Variants in MED22 observed in about 807,000 individuals in gnomAD.
The protein encoded by MED22 is mediator of RNA polymerase II transcription subunit 22.
In MED22, 22 loss-of-function variants were observed where a neutral mutation model predicts 22.7. That is an observed-to-expected ratio of 0.97 (90% CI 0.69 to 1.38). MED22 has a LOEUF of 1.38. Among genes scored for constraint, MED22 ranks in the 40% most tolerant of loss-of-function variants. The probability of loss-of-function intolerance (pLI) is 0.00; values close to 1 mark genes in which losing one functional copy is unlikely to be tolerated. For synonymous variants in MED22, 134 were observed against 119.4 expected (o/e 1.12, Z -0.80); for missense variants, 247 against 263.0 (o/e 0.94, Z 0.42).
rs1835994876 is a variant in MED22, at chr9:133,341,238, T to G, written c.*267A>C. ...ACGGGCCAGACCTAGCTTGGAAACT[T>G]TCTTCCACCTGGCTGGCCAGGAAGG... On this transcript the variant is annotated 3_prime_UTR_variant, in exon 5 of 5. Coordinates refer to ENST00000343730, the MANE Select transcript of MED22 (RefSeq NM_133640.5). The G allele has an allele frequency of 2.7e-6, 1 of 372,568 alleles. No homozygotes were observed. Among genetic ancestry groups the G allele is most frequent in the Non-Finnish European group, 4.8e-6 (1 of 210,006 alleles). 23.1% of individuals were successfully genotyped at this position (372,568 alleles called of 1,614,324 possible).
intron 1 of MED22, 94 bp from the exon 2 acceptor site, chr9:133,346,794 T>G: frequency 8.9e-7 from 1 of 1,123,402 alleles, no homozygotes. Context: ...TTTCTGGGGA[T>G]TCCCTTTCTG....
chr9:133,341,695 C>CT lies in MED22; in HGVS notation c.414-2dup, dbSNP rs1564338813. On this transcript the variant is annotated splice_acceptor_variant, in intron 4 of 4. Transcript: ENST00000343730. LOFTEE classifies it high-confidence loss of function. Reference sequence around the variant, plus strand: ...GTCATTAGCTTCGCAAAGGCTTGAGCTTTTCCACCACCAGAAACCCCAGGG... The same window carrying CT: ...GTCATTAGCTTCGCAAAGGCTTGAGCTTTTTCCACCACCAGAAACCCCAGGG... 1.2e-6 allele frequency: 2 copies of CT among 1,605,936 alleles called. No individual in the cohort carries two copies. Among genetic ancestry groups the CT allele is most frequent in the Non-Finnish European group, 1.7e-6 (2 of 1,176,424 alleles).
chr9:133,341,673 A>G lies in MED22; in HGVS notation c.435T>C (p.Asn145=). 1.2e-6 allele frequency: 2 copies of G among 1,607,972 alleles called. No individual in the cohort carries two copies. Among genetic ancestry groups the G allele is most frequent in the Non-Finnish European group, 1.7e-6 (2 of 1,177,254 alleles). ...YSSSSSLCEA[N]DLPLCEAYGR... is the part of the protein sequence containing the mutation. Reference sequence around the variant, plus strand: ...CGTAAGCTTCGCACAGAGGCAGGTCATTAGCTTCGCAAAGGCTTGAGCTTT... The same window carrying G: ...CGTAAGCTTCGCACAGAGGCAGGTCGTTAGCTTCGCAAAGGCTTGAGCTTT... Residue 145 remains asparagine, a synonymous_variant, in exon 5 of 5, where the codon AAT becomes AAC. Coordinates refer to ENST00000343730, the MANE Select transcript of MED22 (RefSeq NM_133640.5).
Position 133,341,660 on chromosome 9 carries a change from ACAGAGG to A in MED22, c.442_447del (p.Pro148_Leu149del). On this transcript the variant is annotated inframe_deletion, in exon 5 of 5. Coordinates refer to ENST00000343730, the MANE Select transcript of MED22 (RefSeq NM_133640.5). Reference sequence around the variant, plus strand: ...AGGTCCAGCCTCCCGTAAGCTTCGCACAGAGGCAGGTCATTAGCTTCGCAAAGGCTT... The same window carrying A: ...AGGTCCAGCCTCCCGTAAGCTTCGCACAGGTCATTAGCTTCGCAAAGGCTT... 1 of 1,608,568 alleles carries A rather than the reference ACAGAGG, an allele frequency of 6.2e-7. No individual in the cohort carries two copies. Among genetic ancestry groups the A allele is most frequent in the Non-Finnish European group, 8.5e-7 (1 of 1,177,536 alleles).
chr9:133,343,247 G>A (rs1836066680), intron 4 of MED22: 1 of 1,206,582 alleles, frequency 8.3e-7, no homozygotes, highest in Non-Finnish European at 1.0e-6. Context: ...TCCACCACCA[G>A]GAAGGAAAGG....
chr9:133,338,760 T>A lies in MED22; in HGVS notation c.*2745A>T, dbSNP rs1835945252. 1 of 343,554 alleles carries A rather than the reference T, an allele frequency of 2.9e-6. No homozygotes were observed. Among genetic ancestry groups the A allele is most frequent in the Admixed American group, 3.8e-5 (1 of 26,324 alleles). The allele number at this position is 343,554 out of a possible 1,614,324, so 21.3% of individuals were successfully genotyped here. ...CCCGGCCGATTTCTATACTTTTTAG[T>A]AGAGACGGGGTTTCTCCATGTTGCC... is the stretch of plus-strand genomic sequence containing the variant. On this transcript the variant is annotated 3_prime_UTR_variant, in exon 5 of 5. Coordinates refer to ENST00000343730, the MANE Select transcript of MED22 (RefSeq NM_133640.5).
chr9:133,345,389 A>G (rs1051904198), intron 2 of MED22, 137 bp from the exon 3 acceptor site: 37 of 817,302 alleles, frequency 4.5e-5, no homozygotes, highest in Admixed American at 8.2e-5. Flanking sequence ...GGTGCCATCT[A>G]CAGACCTAAG....
chr9:133,339,613 C>T lies in MED22; in HGVS notation c.*1892G>A, dbSNP rs942787067. 1 of 415,722 alleles carries T rather than the reference C, an allele frequency of 2.4e-6. No homozygotes were observed. The highest frequency in any genetic ancestry group is 4.4e-6 in the Non-Finnish European group (1 of 226,798). The allele number at this position is 415,722 out of a possible 1,614,324, so 25.8% of individuals were successfully genotyped here. On this transcript the variant is annotated 3_prime_UTR_variant, in exon 5 of 5. Coordinates refer to ENST00000343730, the MANE Select transcript of MED22 (RefSeq NM_133640.5). The stretch of plus-strand genomic sequence containing the variant: ...CATCCATTCTGGTTGTGGTGATGGA[C>T]GAAGGAGAATGTGCTCAGAGAGGCA...
chr9:133,341,355 TG>T lies in MED22; in HGVS notation c.*149del. 3 of 810,132 alleles carry T rather than the reference TG, an allele frequency of 3.7e-6. No homozygotes were observed. The highest frequency in any genetic ancestry group is 5.4e-6 in the Non-Finnish European group (3 of 558,052). The allele number at this position is 810,132 out of a possible 1,614,324, so 50.2% of individuals were successfully genotyped here. On this transcript the variant is annotated 3_prime_UTR_variant, in exon 5 of 5. Transcript: ENST00000343730. Reference sequence around the variant, plus strand: ...CCTACTGTCCTGGCGGGACCCACCCTGGGCTAACGGGCTTCCCAAGGAAGTC... The same window carrying T: ...CCTACTGTCCTGGCGGGACCCACCCTGGCTAACGGGCTTCCCAAGGAAGTC...
At chr9:133,343,486 C>G in intron 4 of MED22, 1 of 1,234,388 alleles carries the variant, frequency 8.1e-7, no homozygotes, top group Non-Finnish European at 1.0e-6. Flanking sequence ...GGGTTTTGAC[C>G]CTTCTGCATC....
intron 2 of MED22, 164 bp downstream of exon 2, chr9:133,346,376 G>C (rs1048960216): frequency 2.7e-5 from 21 of 791,378 alleles, no homozygotes; most frequent in Non-Finnish European, 4.3e-5. Context: ...GTTAGTAAGG[G>C]CTGGACGTGC....
In MED22 at chr9:133,339,105, T is replaced by C. The variant is rs1835952963; in HGVS notation, c.*2400A>G. On this transcript the variant is annotated 3_prime_UTR_variant, in exon 5 of 5. Transcript: ENST00000343730. The stretch of plus-strand genomic sequence containing the variant: ...ATGCAAATTGATGAGAAAGGTGATA[T>C]TGTAGATATCAAGGGAATGGGTACT... 7.4e-6 allele frequency: 5 copies of C among 672,820 alleles called. No homozygotes were observed. The highest frequency in any genetic ancestry group is 1.4e-5 in the Non-Finnish European group (5 of 359,444). The allele number at this position is 672,820 out of a possible 1,614,324, so 41.7% of individuals were successfully genotyped here.
chr9:133,342,576 A>C (rs1460060017), intron 4 of MED22: 14 of 986,344 alleles, frequency 1.4e-5, no homozygotes, highest in Non-Finnish European at 1.6e-5. Context: ...CAGGGAGCGG[A>C]GCGCCCTTTG....
At chr9:133,343,283 G>A (rs2129956190) in intron 4 of MED22, 1 of 1,224,916 alleles carries the variant, frequency 8.2e-7, no homozygotes, top group Non-Finnish European at 1.0e-6. Context: ...GCACAAGATG[G>A]ACATGGACTC....
intron 1 of MED22, 65 bp from the exon 2 acceptor site, chr9:133,346,765 C>T (rs2119068779): frequency 1.4e-6 from 2 of 1,391,834 alleles, no homozygotes; most frequent in East Asian, 4.8e-5. Flanking sequence ...TATGCCCCAA[C>T]CTTAGCAGAA....
chr9:133,342,773 G>A, intron 4 of MED22: 6 of 985,880 alleles, frequency 6.1e-6, no homozygotes, highest in Non-Finnish European at 7.2e-6. Context: ...TGAAGCTGAG[G>A]GACTGTTGGG....
Position 133,338,721 on chromosome 9 carries a change from C to A in MED22, c.*2784G>T, listed in dbSNP as rs587721350. Reference sequence around the variant, plus strand: ...CCTCCCAAAGTGCTGGGGTTGCAGGCGTAAGCCACCGCGCCCGGCCGATTT... The same window carrying A: ...CCTCCCAAAGTGCTGGGGTTGCAGGAGTAAGCCACCGCGCCCGGCCGATTT... On this transcript the variant is annotated 3_prime_UTR_variant, in exon 5 of 5. Transcript: ENST00000343730. 1 of 308,278 alleles carries A rather than the reference C, an allele frequency of 3.2e-6. No individual in the cohort carries two copies. The highest frequency in any genetic ancestry group is 2.2e-5 in the African/African-American group (1 of 45,974). The allele number at this position is 308,278 out of a possible 1,614,324, so 19.1% of individuals were successfully genotyped here.
intron 1 of MED22, 36 bp from the exon 2 acceptor site, chr9:133,346,736 G>GTCTACCCCAGCCACCCTC: frequency 6.4e-7 from 1 of 1,557,216 alleles, no homozygotes; most frequent in African/African-American, 1.4e-5. Context: ...TGCAGGCAGA[G>GTCTACCCCAGCCACCCTC]TCTACCCCAG....
At chr9:133,343,693 T>C in intron 4 of MED22, 3 of 1,265,646 alleles carry the variant, frequency 2.4e-6, no homozygotes, top group Non-Finnish European at 3.0e-6. Context: ...CCTGGTGCCC[T>C]GGACATAGGT....
Sources: gnomAD v4.1 joint callset for allele counts on GRCh38, gnomAD v4.1.1 for gene constraint, MANE v1.5 for transcripts, NCBI Gene and HGNC (gene_info 2026-07-23, HGNC 2026-07-21) for gene names.